NCKAP5: variants seen among roughly 807,000 people sequenced by gnomAD.
The protein encoded by NCKAP5 is NCK associated protein 5.
A neutral mutation model predicts 167.0 loss-of-function variants in NCKAP5; 92 were observed. The ratio of observed to expected loss-of-function variants is 0.55; its 90% CI spans 0.47 to 0.66. NCKAP5 has a LOEUF of 0.66. NCKAP5 is among the 30% of genes least tolerant of loss of function. NCKAP5 has a pLI of 0.00. For synonymous variants in NCKAP5, 891 were observed against 877.4 expected (o/e 1.02, Z -0.27); for missense variants, 2,378 against 2,315.0 (o/e 1.03, Z -0.56).
intron 3 of NCKAP5, among the ~76,000 whole-genome samples, chr2:133,303,381 T>G (rs1680539707): frequency 6.6e-6 from 1 of 152,176 alleles, no homozygotes; most frequent in African/African-American, 2.4e-5. Context: ...AGGCCTAAAT[T>G]TCATAGTCAT....
intron 5 of NCKAP5, among the ~76,000 whole-genome samples, chr2:133,150,228 G>C (rs1574191823): frequency 6.6e-6 from 1 of 152,096 alleles, no homozygotes; most frequent in East Asian, 1.9e-4. Flanking sequence ...ATGAAATCAT[G>C]CACATTCTAG....
intron 6 of NCKAP5, among the ~76,000 whole-genome samples, chr2:133,114,366 T>C (rs2082008248): frequency 6.6e-6 from 1 of 152,062 alleles, no homozygotes; most frequent in Non-Finnish European, 1.5e-5. Context: ...GCCAATTGAG[T>C]TTCAACATTA....
At chr2:132,931,663 T>C (rs1369175168) in intron 8 of NCKAP5, among the ~76,000 whole-genome samples, 1 of 152,230 alleles carries the variant, frequency 6.6e-6, no homozygotes, top group African/African-American at 2.4e-5. Flanking sequence ...AGCTGCTCTG[T>C]ACAATAAAAT....
In NCKAP5 at chr2:133,071,466, C is replaced by A. The variant is rs553977120; in HGVS notation, c.341+58512G>T. Among the ~76,000 whole-genome samples the A allele has an allele frequency of 3.1e-3, 471 of 151,598 alleles. 3 individuals are homozygous for A. The highest frequency in any genetic ancestry group is 8.5e-3 in the Admixed American group (129 of 15,244). The stretch of plus-strand genomic sequence containing the variant: ...TCTCAAAAAACAAAAAACAAACAAA[C>A]AAAAAAAAATCACAGTGGCCCTAAC... On this transcript the variant is annotated intron_variant, in intron 6 of 19. Transcript: ENST00000409261.
At chr2:132,997,478 C>G (rs1055832781) in intron 6 of NCKAP5, among the ~76,000 whole-genome samples, 1 of 152,148 alleles carries the variant, frequency 6.6e-6, no homozygotes, top group Non-Finnish European at 1.5e-5. Context: ...ACTGTCTCAT[C>G]TGTTCATCAT....
At chr2:133,127,154 C>T (rs373039574) in intron 6 of NCKAP5, among the ~76,000 whole-genome samples, 27 of 152,166 alleles carry the variant, frequency 1.8e-4, no homozygotes, top group African/African-American at 4.8e-4. Context: ...ATGCTAACCC[C>T]GTCCAAGGGT....
chr2:132,925,561 CAAAAAAAAA>C, intron 8 of NCKAP5, among the ~76,000 whole-genome samples: 1 of 53,592 alleles, frequency 1.9e-5, no homozygotes, highest in African/African-American at 6.1e-5. Flanking sequence ...GACTCCGTCT[CAAAAAAAAA>C]AAAAAAAAAA....
intron 6 of NCKAP5, among the ~76,000 whole-genome samples, chr2:133,084,570 C>T (rs565937133): frequency 6.6e-6 from 1 of 152,250 alleles, no homozygotes; most frequent in African/African-American, 2.4e-5. Context: ...AATGTCTTCA[C>T]CAGGCTCTGA....
Position 132,782,412 on chromosome 2 carries a change from G to A in NCKAP5, c.4399C>T (p.Pro1467Ser). 2 of 1,614,008 alleles carry A rather than the reference G, an allele frequency of 1.2e-6. No individual in the cohort carries two copies. The highest frequency in any genetic ancestry group is 1.3e-5 in the African/African-American group (1 of 75,048). ...TATDAVSSEA[P>S]LSPTIEEKVM... ...TTTTCTTCGATTGTGGGTGAGAGGG[G>A]GGCTTCTGAACTCACAGCATCAGTC... The change falls in exon 14 of 20, where the codon CCC becomes TCC. Residue 1467 changes from proline to serine, a missense_variant. By Grantham distance (74) the Pro-to-Ser change is moderately conservative. Around this residue, in one of 3 missense-constraint regions of NCKAP5, gnomAD observed 1,325 missense variants for 1,274.5 expected, o/e 1.04. Transcript: ENST00000409261.
intron 3 of NCKAP5, among the ~76,000 whole-genome samples, chr2:133,514,797 G>A (rs1683841302): frequency 6.6e-6 from 1 of 152,108 alleles, no homozygotes; most frequent in South Asian, 2.1e-4. Context: ...GAACTTAAGT[G>A]ACAGGTTGTT....
chr2:133,303,185 T>G, intron 3 of NCKAP5, 75 bp from the exon 4 acceptor site: 87 of 989,340 alleles, frequency 8.8e-5, no homozygotes, highest in Non-Finnish European at 1.2e-4. Flanking sequence ...ACCTTATCTC[T>G]ACAAGGAGTA....
chr2:133,465,114 C>T (rs979922123), intron 3 of NCKAP5, among the ~76,000 whole-genome samples: 7 of 150,454 alleles, frequency 4.7e-5, no homozygotes, highest in African/African-American at 1.7e-4. Context: ...CCCACTAACT[C>T]GTCATCTAGC....
chr2:132,847,797 A>G (rs921784239), intron 11 of NCKAP5, among the ~76,000 whole-genome samples: 4 of 152,246 alleles, frequency 2.6e-5, no homozygotes, highest in Non-Finnish European at 4.4e-5. Context: ...ACAAAAGAGT[A>G]TATCTTACAT....
At chr2:133,209,156 A>G (rs1248779310) in intron 5 of NCKAP5, among the ~76,000 whole-genome samples, 1 of 151,970 alleles carries the variant, frequency 6.6e-6, no homozygotes, top group African/African-American at 2.4e-5. Flanking sequence ...ATTTTTATGC[A>G]TACCAATATT....
At chr2:133,085,631 T>C (rs2080962846) in intron 6 of NCKAP5, among the ~76,000 whole-genome samples, 1 of 152,140 alleles carries the variant, frequency 6.6e-6, no homozygotes, top group African/African-American at 2.4e-5. Flanking sequence ...GTCAGGTAAA[T>C]GCAGAATCAA....
At chr2:133,142,458 C>T (rs745608403) in intron 5 of NCKAP5, among the ~76,000 whole-genome samples, 2 of 152,276 alleles carry the variant, frequency 1.3e-5, no homozygotes, top group Non-Finnish European at 2.9e-5. Context: ...TTTGCATGCA[C>T]TTTATGTGAG....
At chr2:132,673,719 A>G (rs1684048304) in intron 19 of NCKAP5, among the ~76,000 whole-genome samples, 1 of 152,208 alleles carries the variant, frequency 6.6e-6, no homozygotes, top group East Asian at 1.9e-4. Flanking sequence ...TTTCTAATAA[A>G]AAAAAGACAT....
At chr2:133,484,034 T>G (rs1680691640) in intron 3 of NCKAP5, among the ~76,000 whole-genome samples, 1 of 152,208 alleles carries the variant, frequency 6.6e-6, no homozygotes, top group Non-Finnish European at 1.5e-5. Flanking sequence ...GGGGAATCAT[T>G]TGGCTATTAT....
intron 4 of NCKAP5, among the ~76,000 whole-genome samples, chr2:133,289,568 C>A (rs1968395): frequency 2.0e-5 from 3 of 151,906 alleles, no homozygotes; most frequent in African/African-American, 7.2e-5. Flanking sequence ...ATGGTGGAAC[C>A]CTGTCTCTAC....
Sources: gnomAD v4.1 joint callset for allele counts (sites outside exome capture counted in the v4.1 genomes callset) on GRCh38, gnomAD v4.1.1 for gene constraint, gnomAD v4.1.1 regional missense constraint, MANE v1.5 for transcripts, NCBI Gene and HGNC (gene_info 2026-07-23, HGNC 2026-07-21) for gene names.